ENTPD1: variants seen among roughly 807,000 people sequenced by gnomAD.
ENTPD1 encodes ATP diphosphohydrolase.
In ENTPD1, 33 loss-of-function variants were observed where a neutral mutation model predicts 57.0. That is an observed-to-expected ratio of 0.58 (90% CI 0.44 to 0.77). The LOEUF is 0.77. Ranked by LOEUF, ENTPD1 falls within the 30% of genes least tolerant of loss-of-function variation. The probability of loss-of-function intolerance (pLI) is 0.00; values close to 1 mark genes in which losing one functional copy is unlikely to be tolerated. For missense variants in ENTPD1, 501 were observed against 603.4 expected (o/e 0.83, Z 1.78); for synonymous variants, 202 against 218.8 (o/e 0.92, Z 0.68).
At chr10:95,828,782 C>T (rs2098386951) in intron 2 of ENTPD1, among the ~76,000 whole-genome samples, 1 of 148,206 alleles carries the variant, frequency 6.7e-6, no homozygotes, top group South Asian at 2.1e-4. Flanking sequence ...ATGATCTCGG[C>T]TCACCGCAAT....
At position 95,870,865 on chromosome 10, in the gene ENTPD1, T is replaced by G. The variant is rs2098479613; in HGVS notation, c.*4482T>G. On this transcript the variant is annotated 3_prime_UTR_variant, in exon 10 of 10. Coordinates refer to ENST00000371205, the MANE Select transcript of ENTPD1 (RefSeq NM_001776.6). ...CTCAAAGTTTCATGAATTGCTGCAG[T>G]AAACATTGATTTTCATGTTTGTGAG... The G allele has an allele frequency of 2.0e-6, 2 of 985,342 alleles. No individual in the cohort carries two copies. The highest frequency in any genetic ancestry group is 9.4e-5 in the South Asian group (2 of 21,290). 61.0% of individuals were successfully genotyped at this position (985,342 alleles called of 1,614,324 possible).
intron 1 of ENTPD1, among the ~76,000 whole-genome samples, chr10:95,719,655 C>T (rs1211180828): frequency 2.6e-5 from 4 of 152,146 alleles, no homozygotes; most frequent in Non-Finnish European, 5.9e-5. Flanking sequence ...AATTTAAGAG[C>T]GTTTGGGTGG....
intron 1 of ENTPD1, among the ~76,000 whole-genome samples, chr10:95,731,953 T>C (rs2097989800): frequency 6.6e-6 from 1 of 151,782 alleles, no homozygotes. Context: ...CGGCTAATTT[T>C]TGTATTTTTA....
In ENTPD1 at chr10:95,870,507, G is replaced by T; in HGVS notation, c.*4124G>T. 1.1e-6 allele frequency: 1 copy of T among 940,612 alleles called. No homozygotes were observed. Among genetic ancestry groups the T allele is most frequent in the Non-Finnish European group, 1.3e-6 (1 of 789,184 alleles). The allele number at this position is 940,612 out of a possible 1,614,324, so 58.3% of individuals were successfully genotyped here. A position where few individuals can be genotyped will look rare whatever the true frequency, so the allele number is the denominator to read the frequency against. On this transcript the variant is annotated 3_prime_UTR_variant, in exon 10 of 10. Transcript: ENST00000371205. ...TTGTCCAGGCTGGTCTCGAACTCCT[G>T]CCCTCAAGCAATCCTCCTGCCTTGG...
intron 9 of ENTPD1, among the ~76,000 whole-genome samples, chr10:95,865,282 T>C (rs2098472192): frequency 6.6e-6 from 1 of 152,186 alleles, no homozygotes; most frequent in South Asian, 2.1e-4. Context: ...GGTTGACCAA[T>C]CTGAAAGCTC....
At chr10:95,789,612 A>G (rs1028935701) in intron 1 of ENTPD1, among the ~76,000 whole-genome samples, 1 of 152,164 alleles carries the variant, frequency 6.6e-6, no homozygotes, top group African/African-American at 2.4e-5. Context: ...ACTGAAAAAA[A>G]TTAGGTAAAA....
intron 1 of ENTPD1, among the ~76,000 whole-genome samples, chr10:95,747,364 A>T (rs1018173825): frequency 1.3e-5 from 2 of 152,370 alleles, no homozygotes; most frequent in Admixed American, 1.3e-4. Context: ...TTGGCAAAAC[A>T]TGTCATTTCA....
At chr10:95,755,450 T>G, upstream of ENTPD1, 3 of 503,208 alleles carry the variant, frequency 6.0e-6, no homozygotes, top group Non-Finnish European at 1.1e-5. Context: ...CTCATCTACA[T>G]TGGGGTAATC....
intron 2 of ENTPD1, among the ~76,000 whole-genome samples, chr10:95,832,797 C>T (rs1328402789): frequency 1.3e-5 from 2 of 152,176 alleles, no homozygotes; most frequent in African/African-American, 4.8e-5. Context: ...AAGATAGTAA[C>T]AGTACCTACT....
rs1046417340 is a variant in ENTPD1, at chr10:95,791,632, T to G, written c.17-31605T>G. Among the ~76,000 whole-genome samples, 12 of 152,270 alleles carry G rather than the reference T, an allele frequency of 7.9e-5. No homozygotes were observed. Among genetic ancestry groups the G allele is most frequent in the Admixed American group, 7.8e-4 (12 of 15,298 alleles). ...CAGTGGAGAATTTTACTGCAGAGGG[T>G]AAATACCCATCTTTTAAACAGGATT... is the stretch of plus-strand genomic sequence containing the variant. On this transcript the variant is annotated intron_variant, in intron 1 of 9. Coordinates refer to ENST00000371205, the MANE Select transcript of ENTPD1 (RefSeq NM_001776.6). This position sits in a 1 kb window ranked among gnomAD's most constrained non-coding sequence, Gnocchi z 4.1.
chr10:95,708,105 T>G (rs113762394), upstream of ENTPD1, among the ~76,000 whole-genome samples: 72 of 152,260 alleles, frequency 4.7e-4, no homozygotes, highest in Non-Finnish European at 6.3e-4. Flanking sequence ...ATGTAAACTG[T>G]TATAGCCTTT....
chr10:95,869,666 T>C lies in ENTPD1; in HGVS notation c.*3283T>C. On this transcript the variant is annotated 3_prime_UTR_variant, in exon 10 of 10. Coordinates refer to ENST00000371205, the MANE Select transcript of ENTPD1 (RefSeq NM_001776.6). ...TTCATCCAATTCTTAATAAGAAATA[T>C]GTAAATAAAATTTTTTAAAATTACA... 1.0e-6 allele frequency: 1 copy of C among 980,784 alleles called. No homozygotes were observed. The highest frequency in any genetic ancestry group is 4.7e-5 in the South Asian group (1 of 21,200). 60.8% of individuals were successfully genotyped at this position (980,784 alleles called of 1,614,324 possible).
At chr10:95,771,156 C>A (rs772611926) in intron 1 of ENTPD1, among the ~76,000 whole-genome samples, 11 of 152,064 alleles carry the variant, frequency 7.2e-5, no homozygotes, top group Non-Finnish European at 1.5e-4. Context: ...AATTGAATGG[C>A]TTTTACCATA....
At chr10:95,696,504 T>A in the ENTPD1 span, among the ~76,000 whole-genome samples, 1 of 152,190 alleles carries the variant, frequency 6.6e-6, no homozygotes, top group African/African-American at 2.4e-5. Context: ...GGTCTCAAAC[T>A]CCTGACCTCA....
chr10:95,701,806 G>GA, the ENTPD1 span, among the ~76,000 whole-genome samples: 18 of 151,676 alleles, frequency 1.2e-4, no homozygotes, highest in East Asian at 9.6e-4. Context: ...GAAATTAAGG[G>GA]AAAAAATCAC....
At chr10:95,855,052 T>A (rs1300385150) in intron 7 of ENTPD1, among the ~76,000 whole-genome samples, 1 of 152,120 alleles carries the variant, frequency 6.6e-6, no homozygotes. Context: ...AAGTCTCCCA[T>A]TATTATTGTG....
intron 1 of ENTPD1, among the ~76,000 whole-genome samples, chr10:95,717,552 C>T (rs2097972916): frequency 6.6e-6 from 1 of 152,146 alleles, no homozygotes; most frequent in South Asian, 2.1e-4. Flanking sequence ...TTCTAGCGAG[C>T]CCTCTTTACT....
chr10:95,855,411 T>G (rs2098452731), intron 7 of ENTPD1, among the ~76,000 whole-genome samples: 1 of 151,954 alleles, frequency 6.6e-6, no homozygotes, highest in Non-Finnish European at 1.5e-5. Flanking sequence ...CTGTGTCTTT[T>G]AATTGGAGCA....
chr10:95,849,914 A>G (rs1012169718), intron 7 of ENTPD1, among the ~76,000 whole-genome samples: 3 of 152,224 alleles, frequency 2.0e-5, no homozygotes, highest in African/African-American at 7.2e-5. Flanking sequence ...CATTCCAGTC[A>G]CTGCGAGGAT....
Sources: allele counts gnomAD v4.1 joint callset (sites outside exome capture counted in the v4.1 genomes callset), GRCh38; gene constraint gnomAD v4.1.1; non-coding constraint Gnocchi (gnomAD v3.1); transcripts MANE v1.5; gene names NCBI Gene and HGNC (gene_info 2026-07-23, HGNC 2026-07-21).